Variants in TNMD observed in about 807,000 individuals in gnomAD.
The protein encoded by TNMD is tenomodulin.
A neutral mutation model predicts 26.9 loss-of-function variants in TNMD; 15 were observed. That is an observed-to-expected ratio of 0.56 (90% CI 0.37 to 0.86). The LOEUF (loss-of-function observed/expected upper bound fraction) is 0.86. Among genes scored for constraint, TNMD ranks in the 40% least tolerant of loss-of-function variants. The pLI is 0.00. For missense variants in TNMD, 222 were observed against 242.6 expected (o/e 0.92, Z 0.56); for synonymous variants, 73 against 77.0 (o/e 0.95, Z 0.27).
chrX:100,591,194 G>A (rs1385110625), intron 2 of TNMD, among the ~76,000 whole-genome samples: 3 of 111,420 alleles, frequency 2.7e-5, no homozygotes, highest in Non-Finnish European at 5.7e-5. Flanking sequence ...TTCCAATTGG[G>A]CAGGGGTGTA....
intron 4 of TNMD, among the ~76,000 whole-genome samples, chrX:100,596,263 G>A (rs2082952679): frequency 8.9e-6 from 1 of 112,156 alleles, no homozygotes; most frequent in Admixed American, 9.4e-5. Context: ...GAACCCGGGA[G>A]GTGGAGGTTT....
At chrX:100,595,029 G>T (rs1324100755) in intron 4 of TNMD, among the ~76,000 whole-genome samples, 1 of 111,925 alleles carries the variant, frequency 8.9e-6, no homozygotes, top group Non-Finnish European at 1.9e-5. Flanking sequence ...ATGGGAGATG[G>T]ATGTTATTGC....
intron 2 of TNMD, among the ~76,000 whole-genome samples, chrX:100,587,509 C>G (rs1764938011): frequency 8.9e-6 from 1 of 112,001 alleles, no homozygotes; most frequent in African/African-American, 3.2e-5. Context: ...TCCCCTAGGG[C>G]AAGTTTCTCT....
At chrX:100,596,135 C>T (rs1464765981) in intron 4 of TNMD, among the ~76,000 whole-genome samples, 1 of 111,811 alleles carries the variant, frequency 8.9e-6, no homozygotes, top group African/African-American at 3.3e-5. Flanking sequence ...CCACTCTGGC[C>T]AACATGGTGA....
intron 2 of TNMD, among the ~76,000 whole-genome samples, chrX:100,591,676 C>G (rs1337715710): frequency 9.0e-6 from 1 of 111,465 alleles, no homozygotes; most frequent in Non-Finnish European, 1.9e-5. Context: ...TACCCCCTAC[C>G]AAGGATTCAC....
chrX:100,593,361 T>C (rs1169363705), intron 2 of TNMD: 6 of 751,834 alleles, frequency 8.0e-6, no homozygotes, highest in African/African-American at 2.3e-5. Context: ...GCAATAAATG[T>C]TTCCTGGAGT....
intron 4 of TNMD, among the ~76,000 whole-genome samples, chrX:100,596,217 C>T (rs2082952549): frequency 9.0e-6 from 1 of 111,608 alleles, no homozygotes; most frequent in African/African-American, 3.3e-5. Context: ...GCCTGTAATC[C>T]CAGCTACTGA....
chrX:100,598,983 A>G, intron 5 of TNMD, 33 bp from the exon 6 acceptor site: 2 of 1,140,320 alleles, frequency 1.8e-6, no homozygotes, highest in Non-Finnish European at 1.2e-6. Flanking sequence ...TTTGCAAAGC[A>G]GTTGCATCAC....
In TNMD at chrX:100,597,621, G is replaced by A. The variant is rs1569343989; in HGVS notation, c.541G>A (p.Val181Met). The change falls in exon 5 of 7, where the codon GTG becomes ATG. Residue 181 changes from valine to methionine, a missense_variant. Physicochemically the swap from Val to Met is conservative, Grantham distance 21 (BLOSUM62 1). Transcript: ENST00000373031. ...NSKILEICDN[V>M]TMYWINPTLI... Reference sequence around the variant, plus strand: ...CAAAATTCTGGAGATTTGTGATAACGTGACCATGTATTGGATCAATCCCAC... The same window carrying A: ...CAAAATTCTGGAGATTTGTGATAACATGACCATGTATTGGATCAATCCCAC... 4.1e-6 allele frequency: 5 copies of A among 1,209,128 alleles called. No individual in the cohort carries two copies. The highest frequency in any genetic ancestry group is 3.0e-5 in the East Asian group (1 of 33,758).
intron 2 of TNMD, chrX:100,593,671 C>T (rs982347507): frequency 2.6e-5 from 8 of 310,556 alleles, no homozygotes; most frequent in Non-Finnish European, 3.8e-5. Context: ...CTCAGCTTAA[C>T]ACAAGGGGAA....
Position 100,599,715 on chromosome X carries a change from T to G in TNMD, c.952T>G (p.Ter318GluextTer1). ...WWVARMLGRV* is the reference protein window; with the variant it reads ...WWVARMLGRVE ...GGTGGCCCGCATGCTGGGGAGGGTC[T>G]AATAGGAGGTTTGAGCTCAAATGCT... The change falls in exon 7 of 7, where the codon TAA (stop) becomes GAA (glutamate). Residue 318 changes from the stop codon to glutamate (E), a stop_lost. Transcript: ENST00000373031. 2 of 1,208,745 alleles carry G rather than the reference T, an allele frequency of 1.7e-6. No individual in the cohort carries two copies.
chrX:100,585,485 G>A, intron 2 of TNMD, 123 bp downstream of exon 2: 1 of 817,725 alleles, frequency 1.2e-6, no homozygotes, highest in East Asian at 3.6e-5. Context: ...ATTTTCTGGT[G>A]GTATGAAAAA....
chrX:100,593,950 T>C lies in TNMD; in HGVS notation c.236T>C (p.Met79Thr). 8.3e-7 allele frequency: 1 copy of C among 1,209,883 alleles called. No homozygotes were observed. Among genetic ancestry groups the C allele is most frequent in the Non-Finnish European group, 1.1e-6 (1 of 894,176 alleles). The part of the protein sequence containing the change: ...YSNGEKKKIY[M>T]EIDPVTRTEI... ...AATGGAGAGAAGAAGAAGATTTACA[T>C]GGAAATTGATCCTGTGACCAGAACT... The change falls in exon 3 of 7, where the codon ATG becomes ACG. Residue 79 changes from methionine (M) to threonine (T), a missense_variant. Met to Thr is a moderately conservative substitution (Grantham distance 81). Transcript: ENST00000373031.
At chrX:100,596,933 C>G (rs2082954687) in intron 4 of TNMD, among the ~76,000 whole-genome samples, 1 of 112,193 alleles carries the variant, frequency 8.9e-6, no homozygotes. Flanking sequence ...AAGTCATAAA[C>G]TGGAGACTTG....
At chrX:100,597,954 C>T (rs926649692) in intron 5 of TNMD, among the ~76,000 whole-genome samples, 1 of 111,860 alleles carries the variant, frequency 8.9e-6, no homozygotes, top group African/African-American at 3.3e-5. Flanking sequence ...TCATTGCAGT[C>T]GGTATGCCAG....
chrX:100,586,101 C>T (rs1398921397), intron 2 of TNMD, among the ~76,000 whole-genome samples: 2 of 112,095 alleles, frequency 1.8e-5, no homozygotes, highest in Non-Finnish European at 3.8e-5. Context: ...AGGCAATGGG[C>T]AAGTTTAGAT....
intron 2 of TNMD, chrX:100,593,292 A>G: frequency 6.9e-6 from 5 of 725,442 alleles, no homozygotes; most frequent in Non-Finnish European, 8.2e-6. Flanking sequence ...CTTGGGAAAC[A>G]GAACCCAGGA....
At chrX:100,585,734 C>T (rs1468588857) in intron 2 of TNMD, among the ~76,000 whole-genome samples, 1 of 112,463 alleles carries the variant, frequency 8.9e-6, no homozygotes, top group Non-Finnish European at 1.9e-5. Context: ...TAGACCACCA[C>T]ATAAGGAGAA....
chrX:100,588,059 C>A (rs771824466), intron 2 of TNMD, among the ~76,000 whole-genome samples: 20 of 111,813 alleles, frequency 1.8e-4, no homozygotes, highest in African/African-American at 6.2e-4. Flanking sequence ...CTAGCCTCCA[C>A]CACGCCTCCT....
Sources: allele counts gnomAD v4.1 joint callset (sites outside exome capture counted in the v4.1 genomes callset), GRCh38; gene constraint gnomAD v4.1.1; transcripts MANE v1.5; gene names NCBI Gene and HGNC (gene_info 2026-07-23, HGNC 2026-07-21).